Variants in SLC38A8 observed in about 807,000 individuals in gnomAD.
SLC38A8 encodes solute carrier family 38 member 8.
In SLC38A8, 65 loss-of-function variants were observed where a neutral mutation model predicts 46.0. The observed-to-expected ratio is 1.41, with a 90% CI of 1.16 to 1.74. The LOEUF is 1.74. SLC38A8 is among the 40% of genes most tolerant of loss of function. The pLI is 0.00. For missense variants in SLC38A8, 998 were observed against 567.9 expected (o/e 1.76, Z -7.70); for synonymous variants, 447 against 243.7 (o/e 1.83, Z -7.77).
intron 7 of SLC38A8, among the ~76,000 whole-genome samples, chr16:84,018,327 G>C (rs1336038620): frequency 6.7e-6 from 1 of 148,710 alleles, no homozygotes; most frequent in East Asian, 2.1e-4. Context: ...CCGCCTCCTG[G>C]GTTCACGCCA....
intron 9 of SLC38A8, among the ~76,000 whole-genome samples, chr16:84,016,180 C>T (rs569111577): frequency 3.9e-4 from 59 of 152,344 alleles, no homozygotes; most frequent in Middle Eastern, 3.4e-3. Context: ...GACTTATTCA[C>T]TACCACAAGA....
intron 10 of SLC38A8, among the ~76,000 whole-genome samples, chr16:84,011,326 C>T (rs1193422659): frequency 2.0e-5 from 3 of 152,330 alleles, no homozygotes; most frequent in Non-Finnish European, 2.9e-5. Context: ...CTCCGAAAAG[C>T]ATCCCAGGGA....
intron 7 of SLC38A8, among the ~76,000 whole-genome samples, chr16:84,018,552 G>A (rs1457743319): frequency 6.6e-6 from 1 of 151,936 alleles, no homozygotes. Context: ...AGCCACTAGT[G>A]CCATGCCCAT....
chr16:84,019,994 T>C (rs1404428604), intron 7 of SLC38A8, among the ~76,000 whole-genome samples: 1 of 152,248 alleles, frequency 6.6e-6, no homozygotes, highest in Non-Finnish European at 1.5e-5. Context: ...ACCTGATGCC[T>C]GAAGTTCTCG....
At chr16:84,026,770 G>A (rs1211552559) in intron 6 of SLC38A8, among the ~76,000 whole-genome samples, 1 of 152,220 alleles carries the variant, frequency 6.6e-6, no homozygotes, top group East Asian at 1.9e-4. Flanking sequence ...CACCAACACG[G>A]CGGGGGAGGG....
Position 84,009,888 on chromosome 16 carries a change from A to T in SLC38A8, c.1215-11T>A. 6.2e-7 allele frequency: 1 copy of T among 1,609,494 alleles called. No individual in the cohort carries two copies. Among genetic ancestry groups the T allele is most frequent in the South Asian group, 1.1e-5 (1 of 90,174 alleles). ...ACCTCCAGGCAGCACCTGCCAAGTG[A>T]ATAAACCCATGTCAGAGCTTTTCTG... On this transcript the variant is annotated splice_polypyrimidine_tract_variant and intron_variant, in intron 10 of 10. Coordinates refer to ENST00000299709, the MANE Select transcript of SLC38A8 (RefSeq NM_001080442.3).
intron 9 of SLC38A8, 62 bp downstream of exon 9, chr16:84,016,457 T>C: frequency 6.4e-7 from 1 of 1,562,326 alleles, no homozygotes; most frequent in Non-Finnish European, 8.7e-7. Flanking sequence ...ACACTGGGAG[T>C]CCCCACAGAG....
At position 84,042,007 on chromosome 16, in the gene SLC38A8, T is replaced by A. The variant is rs1295094485; in HGVS notation, c.151A>T (p.Lys51Ter). ...AAGGCAGGGACCACTCCGCCCGCTT[T>A]GGAGAAGGCCCAGGGGAAGTTGAGC... ...GLLNFPWAFS[K>*]AGGVVPAFLV... Residue 51 changes from lysine (K) to a stop codon, truncating the protein, a stop_gained, in exon 2 of 11, where the codon AAA becomes TAA. Transcript: ENST00000299709. LOFTEE classifies it high-confidence loss of function. The A allele has an allele frequency of 6.2e-7, 1 of 1,611,582 alleles. No homozygotes were observed. Among genetic ancestry groups the A allele is most frequent in the South Asian group, 1.1e-5 (1 of 90,832 alleles).
intron 6 of SLC38A8, among the ~76,000 whole-genome samples, chr16:84,025,780 C>G (rs945013850): frequency 6.6e-6 from 1 of 152,242 alleles, no homozygotes; most frequent in Non-Finnish European, 1.5e-5. Context: ...GGCACAGTGG[C>G]CTCCTCCCTC....
chr16:84,023,608 T>G (rs531865236), intron 6 of SLC38A8, among the ~76,000 whole-genome samples: 80 of 152,218 alleles, frequency 5.3e-4, no homozygotes, highest in African/African-American at 1.9e-3. Flanking sequence ...GGAAGCCACA[T>G]AGGTGCCGGG....
chr16:84,034,214 C>A (rs1567702116), intron 3 of SLC38A8, among the ~76,000 whole-genome samples: 1 of 152,242 alleles, frequency 6.6e-6, no homozygotes, highest in Non-Finnish European at 1.5e-5. Flanking sequence ...GAGACTGAGG[C>A]AGAAGCTGCC....
At chr16:84,017,390 C>A in intron 7 of SLC38A8, 103 bp from the exon 8 acceptor site, 3 of 1,367,606 alleles carry the variant, frequency 2.2e-6, no homozygotes, top group South Asian at 2.7e-5. Context: ...CTAAGATTTT[C>A]CTTAGGAGCT....
intron 9 of SLC38A8, among the ~76,000 whole-genome samples, chr16:84,013,323 C>G (rs914395943): frequency 2.6e-5 from 4 of 152,172 alleles, no homozygotes; most frequent in Admixed American, 6.5e-5. Context: ...AACATGCCCC[C>G]CCACAGCAGA....
rs1057521634 is a variant in SLC38A8, at chr16:84,017,180, A to C, written c.913T>G (p.Ser305Ala). Residue 305 changes from serine to alanine, a missense_variant, in exon 8 of 11, where the codon TCC becomes GCC. Ser to Ala is a moderately conservative substitution (Grantham distance 99, BLOSUM62 1). Transcript: ENST00000299709. ...ACGATGGGGTAGACAGTTACGATGG[A>C]GACAGCAAAAAGGACCCGGGCCACA... is the stretch of plus-strand genomic sequence containing the variant. Reference protein sequence around the residue: ...IIVARVLFAVSIVTVYPIVLF... With the variant: ...IIVARVLFAVAIVTVYPIVLF... 3 of 1,614,102 alleles carry C rather than the reference A, an allele frequency of 1.9e-6. No individual in the cohort carries two copies. In the South Asian group the frequency reaches 3.3e-5, roughly 18 times the overall value.
intron 9 of SLC38A8, among the ~76,000 whole-genome samples, chr16:84,013,437 T>TC (rs1430278462): frequency 7.5e-6 from 1 of 132,874 alleles, no homozygotes; most frequent in Non-Finnish European, 1.7e-5. Flanking sequence ...TTTTTTTTTT[T>TC]TTTTTTTTTT....
chr16:84,011,133 T>A (rs184328169), intron 10 of SLC38A8, among the ~76,000 whole-genome samples: 254 of 152,314 alleles, frequency 1.7e-3, no homozygotes, highest in African/African-American at 5.9e-3. Flanking sequence ...TTCAGCGCCA[T>A]AAACATCCAT....
chr16:84,023,573 CTCAG>C lies in SLC38A8; in HGVS notation c.691-688_691-685del, dbSNP rs537512499. On this transcript the variant is annotated intron_variant, in intron 6 of 10. Coordinates refer to ENST00000299709, the MANE Select transcript of SLC38A8 (RefSeq NM_001080442.3). ...ACCATGCACCTCAACACAGACGAATCTCAGTCAGAACAATGAACACCACAGGAAG... is the reference window on the plus strand; with the variant it reads ...ACCATGCACCTCAACACAGACGAATCTCAGAACAATGAACACCACAGGAAG... Among the ~76,000 whole-genome samples the C allele has an allele frequency of 1.5e-3, 234 of 152,208 alleles. 1 individual carries two copies. Among genetic ancestry groups the C allele is most frequent in the African/African-American group, 5.5e-3 (229 of 41,542 alleles).
At chr16:84,025,968 T>C (rs1431030526) in intron 6 of SLC38A8, among the ~76,000 whole-genome samples, 1 of 152,198 alleles carries the variant, frequency 6.6e-6, no homozygotes, top group African/African-American at 2.4e-5. Flanking sequence ...CCCCACACTC[T>C]CAGGTCAGCC....
At chr16:84,018,308 C>G (rs1333700096) in intron 7 of SLC38A8, among the ~76,000 whole-genome samples, 1 of 144,644 alleles carries the variant, frequency 6.9e-6, no homozygotes, top group Admixed American at 7.1e-5. Context: ...TCTCGGCTCA[C>G]TGCAAGCTCC....
Sources: gnomAD v4.1 joint callset for allele counts (sites outside exome capture counted in the v4.1 genomes callset) on GRCh38, gnomAD v4.1.1 for gene constraint, MANE v1.5 for transcripts, NCBI Gene and HGNC (gene_info 2026-07-23, HGNC 2026-07-21) for gene names.